Variants in MPPED2 observed in about 807,000 individuals in gnomAD.
MPPED2 encodes the protein metallophosphoesterase domain containing 2, also known as metallophosphoesterase MPPED2.
MPPED2 carries 5 observed loss-of-function variants against 33.0 expected under a neutral mutation model. That is an observed-to-expected ratio of 0.15 (90% CI 0.08 to 0.32). The LOEUF is 0.32. MPPED2 is among the 10% of genes least tolerant of loss of function. The probability of loss-of-function intolerance (pLI) is 1.00; values close to 1 mark genes in which losing one functional copy is unlikely to be tolerated. For missense variants in MPPED2, 275 were observed against 372.1 expected (o/e 0.74, Z 2.15); for synonymous variants, 136 against 141.9 (o/e 0.96, Z 0.29).
chr11:30,567,256 T>C (rs1480968089), intron 2 of MPPED2, among the ~76,000 whole-genome samples: 1 of 152,152 alleles, frequency 6.6e-6, no homozygotes, highest in Non-Finnish European at 1.5e-5. Flanking sequence ...AACCTCACTG[T>C]AGTCTTGTTC....
At chr11:30,493,160 G>A (rs1014952949) in intron 4 of MPPED2, among the ~76,000 whole-genome samples, 1 of 152,066 alleles carries the variant, frequency 6.6e-6, no homozygotes, top group African/African-American at 2.4e-5. Flanking sequence ...GAGGCGGGCG[G>A]ATCACGAGGT....
chr11:30,466,784 T>C (rs1434349453), intron 4 of MPPED2, among the ~76,000 whole-genome samples: 2 of 152,216 alleles, frequency 1.3e-5, no homozygotes, highest in Non-Finnish European at 2.9e-5. Context: ...TACTGCATTT[T>C]TGGATAAAAT....
At chr11:30,571,168 T>A (rs893764741) in intron 2 of MPPED2, among the ~76,000 whole-genome samples, 6 of 151,192 alleles carry the variant, frequency 4.0e-5, no homozygotes, top group East Asian at 1.9e-4. Flanking sequence ...TTTTTTTTTT[T>A]AAACTAGTTT....
chr11:30,494,356 C>A (rs1022555843), intron 4 of MPPED2, among the ~76,000 whole-genome samples: 4 of 152,120 alleles, frequency 2.6e-5, no homozygotes, highest in Admixed American at 1.3e-4. Flanking sequence ...CAGACATACA[C>A]CCAGCCCCAG....
intron 2 of MPPED2, among the ~76,000 whole-genome samples, chr11:30,557,349 A>T (rs912270400): frequency 7.9e-5 from 12 of 151,654 alleles, no homozygotes; most frequent in African/African-American, 2.9e-4. Flanking sequence ...GAGAAAATGT[A>T]TCATTTCCTA....
chr11:30,445,527 T>G (rs1006342195), intron 4 of MPPED2, among the ~76,000 whole-genome samples: 2 of 152,212 alleles, frequency 1.3e-5, no homozygotes, highest in African/African-American at 4.8e-5. Flanking sequence ...TTAAGTATAC[T>G]CACATTATTG....
chr11:30,494,021 C>T (rs1177084813), intron 4 of MPPED2, among the ~76,000 whole-genome samples: 1 of 152,170 alleles, frequency 6.6e-6, no homozygotes, highest in African/African-American at 2.4e-5. Flanking sequence ...AATTCTAGTG[C>T]CAGCTCTCAA....
At chr11:30,528,981 G>T (rs1400991257) in intron 3 of MPPED2, among the ~76,000 whole-genome samples, 1 of 152,192 alleles carries the variant, frequency 6.6e-6, no homozygotes, top group Non-Finnish European at 1.5e-5. Context: ...AAGGATGTTT[G>T]CAAAGAGAGA....
intron 6 of MPPED2, among the ~76,000 whole-genome samples, chr11:30,393,094 C>T (rs933228907): frequency 1.6e-4 from 24 of 152,102 alleles, no homozygotes; most frequent in African/African-American, 5.8e-4. Context: ...CTGGAGATCA[C>T]CTCTCATCGA....
intron 2 of MPPED2, among the ~76,000 whole-genome samples, chr11:30,571,160 T>C (rs988347878): frequency 6.6e-6 from 1 of 151,832 alleles, no homozygotes; most frequent in African/African-American, 2.4e-5. Flanking sequence ...TTTTTCTTTT[T>C]TTTTTTTTAA....
intron 3 of MPPED2, among the ~76,000 whole-genome samples, chr11:30,519,790 A>G (rs1953750116): frequency 6.6e-6 from 1 of 152,134 alleles, no homozygotes; most frequent in African/African-American, 2.4e-5. Flanking sequence ...TACCATCACC[A>G]TCACCACCAC....
intron 4 of MPPED2, among the ~76,000 whole-genome samples, chr11:30,452,433 C>A (rs557484312): frequency 2.0e-5 from 3 of 152,244 alleles, no homozygotes; most frequent in African/African-American, 4.8e-5. Flanking sequence ...TTCCTTCAGG[C>A]GGTTCCTGCA....
intron 4 of MPPED2, among the ~76,000 whole-genome samples, chr11:30,439,769 T>G (rs1949484133): frequency 6.6e-6 from 1 of 152,258 alleles, no homozygotes; most frequent in African/African-American, 2.4e-5. Flanking sequence ...CTTTGTAATT[T>G]GTAACCTGTT....
intron 4 of MPPED2, among the ~76,000 whole-genome samples, chr11:30,481,317 C>T (rs1951475779): frequency 6.6e-6 from 1 of 152,098 alleles, no homozygotes; most frequent in African/African-American, 2.4e-5. Context: ...TGAAACATCA[C>T]TCTACAACTC....
chr11:30,401,996 C>T (rs1453760971), intron 6 of MPPED2, among the ~76,000 whole-genome samples: 1 of 152,238 alleles, frequency 6.6e-6, no homozygotes, highest in Admixed American at 6.5e-5. Context: ...CGCCCCCGGC[C>T]TACATAAGAT....
At chr11:30,450,063 G>T (rs559870479) in intron 4 of MPPED2, among the ~76,000 whole-genome samples, 2 of 152,318 alleles carry the variant, frequency 1.3e-5, no homozygotes, top group South Asian at 2.1e-4. Flanking sequence ...AAATCTGTAT[G>T]TTTTTTCTCC....
chr11:30,395,794 C>T (rs1474828060), intron 6 of MPPED2, among the ~76,000 whole-genome samples: 2 of 152,122 alleles, frequency 1.3e-5, no homozygotes, highest in Non-Finnish European at 2.9e-5. Context: ...ACCTGCTTGT[C>T]TTTCCTGGGA....
Position 30,411,399 on chromosome 11 carries a change from G to T in MPPED2, c.*69C>A. The T allele has an allele frequency of 6.6e-7, 1 of 1,512,254 alleles. No homozygotes were observed. The allele number at this position is 1,512,254 out of a possible 1,614,324, so 93.7% of individuals were successfully genotyped here. ...AGGGTTTGTAAATAAGTAAGAGAAT[G>T]TAAGTTTATAATTAGAAAAATGGCA... is the stretch of plus-strand genomic sequence containing the variant. On this transcript the variant is annotated 3_prime_UTR_variant, in exon 7 of 7. Transcript: ENST00000358117.
intron 3 of MPPED2, among the ~76,000 whole-genome samples, chr11:30,498,064 CGTT>C (rs1565127250): frequency 7.5e-6 from 1 of 133,294 alleles, no homozygotes; most frequent in African/African-American, 3.4e-5. Flanking sequence ...ACGGCATTTT[CGTT>C]GTTTTTTTTT....
Sources: gnomAD v4.1 joint callset for allele counts (sites outside exome capture counted in the v4.1 genomes callset) on GRCh38, gnomAD v4.1.1 for gene constraint, MANE v1.5 for transcripts, NCBI Gene and HGNC (gene_info 2026-07-23, HGNC 2026-07-21) for gene names.